Variants in CLCN2 observed in about 807,000 individuals in gnomAD.
The protein encoded by CLCN2 is chloride channel protein 2.
CLCN2 carries 72 observed loss-of-function variants against 108.3 expected under a neutral mutation model. The ratio of observed to expected loss-of-function variants is 0.66; its 90% confidence interval spans 0.55 to 0.81. CLCN2 has a LOEUF of 0.81. CLCN2 is among the 30% of genes least tolerant of loss of function. The pLI is 0.00. For synonymous variants in CLCN2, 471 were observed against 467.1 expected (o/e 1.01, Z -0.11); for missense variants, 1,048 against 1,205.2 (o/e 0.87, Z 1.93).
At position 184,354,662 on chromosome 3, in the gene CLCN2, CAGGG is replaced by C; in HGVS notation, c.1397-8_1397-5del. 6.3e-7 allele frequency: 1 copy of C among 1,590,146 alleles called. No individual in the cohort carries two copies. The highest frequency in any genetic ancestry group is 8.5e-7 in the Non-Finnish European group (1 of 1,172,374). ...ACCAGACGCCCAAATGCTGCTCCTTCAGGGAGGGGGGTGGGAAGAGAAAGAGGCA... is the reference window on the plus strand; with the variant it reads ...ACCAGACGCCCAAATGCTGCTCCTTCAGGGGGGTGGGAAGAGAAAGAGGCA... On this transcript the variant is annotated splice_polypyrimidine_tract_variant and splice_region_variant and intron_variant, in intron 13 of 23. Coordinates refer to ENST00000265593, the MANE Select transcript of CLCN2 (RefSeq NM_004366.6).
At chr3:184,354,855 A>G (rs760300046) in intron 13 of CLCN2, 49 bp downstream of exon 13, 117 of 1,590,256 alleles carry the variant, frequency 7.4e-5, no homozygotes, top group Non-Finnish European at 9.8e-5. Context: ...GGGGGTGGCC[A>G]GAGGCTGAGG....
Position 184,352,229 on chromosome 3 carries a change from C to A in CLCN2, c.2310+64G>T, listed in dbSNP as rs1257346053. On this transcript the variant is annotated intron_variant, in intron 21 of 23. Transcript: ENST00000265593. ...CCCGTGGTCCCTCCCATGGGGACAGCAGCCAACATGATGATTGAACACAAC... is the reference window on the plus strand; with the variant it reads ...CCCGTGGTCCCTCCCATGGGGACAGAAGCCAACATGATGATTGAACACAAC... The A allele has an allele frequency of 4.3e-6, 7 of 1,609,456 alleles. No homozygotes were observed. In the Admixed American group the frequency reaches 1.2e-4, roughly 27 times the overall value.
intron 1 of CLCN2, among the ~76,000 whole-genome samples, chr3:184,360,440 A>G (rs796957594): frequency 2.0e-5 from 3 of 151,874 alleles, no homozygotes; most frequent in African/African-American, 7.2e-5. Context: ...AGTGTCTCCT[A>G]CCCCATCCCA....
chr3:184,349,250 CCT>C (rs1398162735), intron 22 of CLCN2: 1 of 152,020 alleles, frequency 6.6e-6, no homozygotes, highest in African/African-American at 2.4e-5. Context: ...ATGGTAAAAC[CCT>C]GTCTCTACTA....
At chr3:184,358,384 C>T (rs1243438225) in intron 3 of CLCN2, 74 bp from the exon 4 acceptor site, 88 of 1,599,976 alleles carry the variant, frequency 5.5e-5, no homozygotes, top group Non-Finnish European at 6.8e-5. Context: ...CACGCTGATA[C>T]GACAGGCTGT....
chr3:184,358,524 G>T, intron 3 of CLCN2, 158 bp downstream of exon 3: 1 of 1,141,136 alleles, frequency 8.8e-7, no homozygotes, highest in Non-Finnish European at 1.3e-6. Context: ...TGCCCTGTGG[G>T]AGTGGCCGAG....
At chr3:184,353,559 A>C (rs1048605388) in intron 16 of CLCN2, 103 bp downstream of exon 16, 16 of 1,567,526 alleles carry the variant, frequency 1.0e-5, no homozygotes, top group Non-Finnish European at 1.4e-5. Flanking sequence ...GTGCTGGTCC[A>C]TTCCCTTTGG....
chr3:184,346,760 A>T lies in CLCN2; in HGVS notation c.2543T>A (p.Val848Glu). The T allele has an allele frequency of 6.2e-7, 1 of 1,613,924 alleles. No homozygotes were observed. The highest frequency in any genetic ancestry group is 8.5e-7 in the Non-Finnish European group (1 of 1,179,990). ...AIEGSVTAQG[V>E]KVRPPLASFR... Reference sequence around the variant, plus strand: ...GCTGGCGAGGGGCGGCCGGACTTTCACACCCTGTGCTGTGACAGAGCCCTC... The same window carrying T: ...GCTGGCGAGGGGCGGCCGGACTTTCTCACCCTGTGCTGTGACAGAGCCCTC... The change falls in exon 24 of 24, where the codon GTG becomes GAG. Residue 848 changes from valine to glutamate, a missense_variant. Physicochemically the swap from Val to Glu is moderately radical, Grantham distance 121. Coordinates refer to ENST00000265593, the MANE Select transcript of CLCN2 (RefSeq NM_004366.6). This position sits in a 1 kb window ranked among gnomAD's most constrained non-coding sequence, Gnocchi z 6.0.
At position 184,358,053 on chromosome 3, in the gene CLCN2, A is replaced by G; in HGVS notation, c.524T>C (p.Val175Ala). 1 of 1,614,104 alleles carries G rather than the reference A, an allele frequency of 6.2e-7. No individual in the cohort carries two copies. The highest frequency in any genetic ancestry group is 8.5e-7 in the Non-Finnish European group (1 of 1,180,038). ...PEMKTILRGV[V>A]LKEYLTLKTF... ...CTTGAGTGTGAGGTATTCTTTCAGC[A>G]CCACTCCCCGCAAGATGGTCTTCAT... Residue 175 changes from valine (V) to alanine (A), a missense_variant, in exon 5 of 24, where the codon GTG becomes GCG. Val to Ala is a moderately conservative substitution (Grantham distance 64). Transcript: ENST00000265593.
chr3:184,360,453 G>A (rs915246660), intron 1 of CLCN2, among the ~76,000 whole-genome samples: 2 of 151,942 alleles, frequency 1.3e-5, no homozygotes, highest in African/African-American at 4.8e-5. Context: ...CCATCCCAAG[G>A]GTTGGCCCCT....
chr3:184,352,523 A>G (rs769226653), intron 19 of CLCN2, 27 bp from the exon 20 acceptor site: 33 of 1,609,960 alleles, frequency 2.0e-5, no homozygotes, highest in Admixed American at 6.7e-5. Flanking sequence ...GCCAAACCAG[A>G]AAGATGAGGA....
At position 184,352,463 on chromosome 3, in the gene CLCN2, G is replaced by A. The variant is rs989914153; in HGVS notation, c.2251C>T (p.Arg751Cys). 19 of 1,613,168 alleles carry A rather than the reference G, an allele frequency of 1.2e-5. No homozygotes were observed. Among genetic ancestry groups the A allele is most frequent in the African/African-American group, 4.0e-5 (3 of 74,930 alleles). The stretch of plus-strand genomic sequence containing the variant: ...CTTACTGCCAGGGAGATTCGGACAC[G>A]CTTCAGCTTGCGCTTCTCACAGGAT... ...LESCEKRKLK[R>C]VRISLASDAD... Residue 751 changes from arginine to cysteine, a missense_variant, in exon 20 of 24, where the codon CGT (arginine) becomes TGT (cysteine). Transcript: ENST00000265593.
At position 184,355,442 on chromosome 3, in the gene CLCN2, T is replaced by G. The variant is rs1699287585; in HGVS notation, c.1258A>C (p.Thr420Pro). The change falls in exon 12 of 24, where the codon ACC (threonine) becomes CCC (proline). Residue 420 changes from threonine to proline, a missense_variant. Coordinates refer to ENST00000265593, the MANE Select transcript of CLCN2 (RefSeq NM_004366.6). This position sits in a 1 kb window ranked among gnomAD's most constrained non-coding sequence, Gnocchi z 6.3. ...GLVEELEPPS[T>P]SQAWNPPRAN... ...CGTGGTGGGTTCCAGGCCTGTGAGG[T>G]GCTGGGTGGTTCTAGCTCCTCCACC... The G allele has an allele frequency of 6.2e-7, 1 of 1,613,762 alleles. No individual in the cohort carries two copies. The highest frequency in any genetic ancestry group is 1.7e-5 in the Admixed American group (1 of 59,980).
At position 184,357,239 on chromosome 3, in the gene CLCN2, C is replaced by T. The variant is rs775250519; in HGVS notation, c.926G>A (p.Arg309Gln). Residue 309 changes from arginine to glutamine, a missense_variant, in exon 9 of 24, where the codon CGA (arginine) becomes CAA (glutamine). Transcript: ENST00000265593. The part of the protein sequence containing the change: ...EETITALFKT[R>Q]FRLDFPFDLQ... ...GTCAAAGGGGAAGTCGAGCCGGAAT[C>T]GGGTTTTGAAGAGGGCTGTAATAGT... 11 of 1,613,862 alleles carry T rather than the reference C, an allele frequency of 6.8e-6. No homozygotes were observed. Among genetic ancestry groups the T allele is most frequent in the East Asian group, 4.5e-5 (2 of 44,880 alleles).
chr3:184,348,576 C>A (rs1338571765), intron 22 of CLCN2: 2 of 151,086 alleles, frequency 1.3e-5, no homozygotes, highest in Non-Finnish European at 3.0e-5. Flanking sequence ...TTCTGGCTAA[C>A]TGGAGTCCTA....
Position 184,346,687 on chromosome 3 carries a change from C to T in CLCN2, c.2616G>A (p.Val872=). The T allele has an allele frequency of 6.2e-7, 1 of 1,614,186 alleles. No homozygotes were observed. The highest frequency in any genetic ancestry group is 8.5e-7 in the Non-Finnish European group (1 of 1,180,034). The change falls in exon 24 of 24, where the codon GTG becomes GTA. Residue 872 remains valine (V), a synonymous_variant. Transcript: ENST00000265593. The surrounding 1 kb of genome is among the most constrained non-coding windows in gnomAD (Gnocchi z 6.0). ...TSSSDTETTE[V]HALWGPHSRH... ...GGGAGTGGGGCCCCCAGAGTGCATGCACCTCAGTGGTCTCCGTGTCACTGC... is the reference window on the plus strand; with the variant it reads ...GGGAGTGGGGCCCCCAGAGTGCATGTACCTCAGTGGTCTCCGTGTCACTGC...
rs757757717 is a variant in CLCN2, at chr3:184,358,773, A to T, written c.261T>A (p.Val87=). 2 of 1,612,046 alleles carry T rather than the reference A, an allele frequency of 1.2e-6. No homozygotes were observed. The highest frequency in any genetic ancestry group is 2.7e-5 in the African/African-American group (2 of 74,896). The change falls in exon 3 of 24, where the codon GTT becomes GTA. Residue 87 remains valine (V), a synonymous_variant. Transcript: ENST00000265593. ...VRCHKFLVSR[V]GEDWIFLVLL... is the part of the protein sequence containing the mutation. Reference sequence around the variant, plus strand: ...GGACCAGGAAGATCCAATCTTCACCAACCCTGGATACTAGGAACTTGTGGC... The same window carrying T: ...GGACCAGGAAGATCCAATCTTCACCTACCCTGGATACTAGGAACTTGTGGC...
chr3:184,354,150 G>A lies in CLCN2; in HGVS notation c.1672C>T (p.Arg558Ter), dbSNP rs150362392. 3.2e-5 allele frequency: 52 copies of A among 1,612,816 alleles called. No individual in the cohort carries two copies. Among genetic ancestry groups the A allele is most frequent in the Non-Finnish European group, 4.2e-5 (50 of 1,179,892 alleles). ...GGCAGGTAGGGCAGTTTCTTGATTC[G>A]GATGATGCTGTCATAGAGGGAGGGC... ...LQPSLYDSII[R>*]IKKLPYLPEL... is the part of the protein sequence containing the mutation. The change falls in exon 15 of 24, where the codon CGA (arginine) becomes TGA (stop). Residue 558 changes from arginine (R) to a stop codon, truncating the protein, a stop_gained. Coordinates refer to ENST00000265593, the MANE Select transcript of CLCN2 (RefSeq NM_004366.6). LOFTEE classifies it high-confidence loss of function.
rs763396786 is a variant in CLCN2, at chr3:184,357,221, G to A, written c.944C>T (p.Pro315Leu). 4 of 1,613,914 alleles carry A rather than the reference G, an allele frequency of 2.5e-6. No individual in the cohort carries two copies. Among genetic ancestry groups the A allele is most frequent in the Non-Finnish European group, 3.4e-6 (4 of 1,180,040 alleles). ...LFKTRFRLDF[P>L]FDLQELPAFA... is the part of the protein sequence containing the mutation. ...GGCTGGCAGCTCCTGCAGGTCAAAG[G>A]GGAAGTCGAGCCGGAATCGGGTTTT... Residue 315 changes from proline (P) to leucine (L), a missense_variant, in exon 9 of 24, where the codon CCC becomes CTC. Coordinates refer to ENST00000265593, the MANE Select transcript of CLCN2 (RefSeq NM_004366.6).
Sources: gnomAD v4.1 joint callset for allele counts (sites outside exome capture counted in the v4.1 genomes callset) on GRCh38, gnomAD v4.1.1 for gene constraint, Gnocchi (gnomAD v3.1) non-coding constraint, MANE v1.5 for transcripts, NCBI Gene and HGNC (gene_info 2026-07-23, HGNC 2026-07-21) for gene names.